Variants in RARB observed in about 807,000 individuals in gnomAD.
The protein encoded by RARB is retinoic acid receptor beta, also known as HBV-activated protein.
Under a neutral mutation model 51.9 loss-of-function variants are expected in RARB, and 17 were observed. The observed-to-expected ratio is 0.33, with a 90% CI of 0.22 to 0.49. The LOEUF (loss-of-function observed/expected upper bound fraction) is 0.49. RARB is among the 20% of genes least tolerant of loss of function. The pLI, the probability that RARB is intolerant of heterozygous loss-of-function variation, is 0.99. For missense variants in RARB, 369 were observed against 550.8 expected, an observed-to-expected ratio of 0.67 and a Z score of 3.30; for synonymous variants, 215 against 195.4, an observed-to-expected ratio of 1.10 and a Z score of -0.84.
chr3:25,126,669 A>T (rs1699865475), intron 3 of RARB, among the ~76,000 whole-genome samples: 1 of 152,186 alleles, frequency 6.6e-6, no homozygotes, highest in Admixed American at 6.5e-5. Flanking sequence ...ACAATGCTTT[A>T]AGTAGCAAAG....
At position 24,861,149 on chromosome 3, in the gene RARB, G is replaced by A. The variant is rs966303330; in HGVS notation, c.-380+2397G>A. ...GGGGCAGGAAGTATCTGTACTGAAT[G>A]TATATAGGCTTTTCCGGTCATTATT... On this transcript the variant is annotated intron_variant, in intron 2 of 11. Coordinates refer to the RARB transcript ENST00000383772. 3.3e-5 allele frequency among the ~76,000 whole-genome samples: 5 copies of A among 152,178 alleles called. 1 individual carries two copies. Among genetic ancestry groups the A allele is most frequent in the African/African-American group, 7.2e-5 (3 of 41,442 alleles).
chr3:25,016,148 A>T (rs929886847), intron 2 of RARB, among the ~76,000 whole-genome samples: 29 of 152,206 alleles, frequency 1.9e-4, no homozygotes, highest in Admixed American at 2.0e-4. Flanking sequence ...GTCGCTTGTA[A>T]CAATTTTTGG....
At chr3:24,831,691 A>G (rs890911731) in intron 1 of RARB, among the ~76,000 whole-genome samples, 1 of 152,142 alleles carries the variant, frequency 6.6e-6, no homozygotes, top group Non-Finnish European at 1.5e-5. Flanking sequence ...AAGGAAAAAA[A>G]AAAACTGTGG....
intron 5 of RARB, among the ~76,000 whole-genome samples, chr3:25,381,708 G>C (rs1182172567): frequency 1.3e-5 from 2 of 152,184 alleles, no homozygotes; most frequent in Admixed American, 1.3e-4. Context: ...TTGAGTCCTT[G>C]GACCAGCAGC....
At chr3:25,055,686 GGGACAGTA>G (rs1360715111) in intron 2 of RARB, among the ~76,000 whole-genome samples, 2 of 152,184 alleles carry the variant, frequency 1.3e-5, no homozygotes, top group African/African-American at 4.8e-5. Flanking sequence ...GGCCAATAAA[GGGACAGTA>G]GCAAGCGTAG....
intron 5 of RARB, among the ~76,000 whole-genome samples, chr3:25,218,379 C>G (rs563915928): frequency 2.6e-4 from 39 of 152,256 alleles, no homozygotes; most frequent in African/African-American, 9.4e-4. Flanking sequence ...AACAAGGCCC[C>G]TTTAAATACC....
intron 5 of RARB, among the ~76,000 whole-genome samples, chr3:25,588,632 A>G (rs1039762651): frequency 2.0e-5 from 3 of 152,196 alleles, no homozygotes; most frequent in Admixed American, 2.0e-4. Flanking sequence ...CTGGCTCGGT[A>G]TCTGTCATGA....
chr3:25,257,986 C>T (rs1398886136), intron 5 of RARB, among the ~76,000 whole-genome samples: 1 of 152,180 alleles, frequency 6.6e-6, no homozygotes. Flanking sequence ...ATGGCATTTA[C>T]TGACTTACGT....
At chr3:25,017,379 A>T (rs534136148) in intron 2 of RARB, among the ~76,000 whole-genome samples, 4 of 96,546 alleles carry the variant, frequency 4.1e-5, no homozygotes, top group Non-Finnish European at 7.6e-5. Context: ...CATCATGTTT[A>T]AAAAAAAAAA....
intron 2 of RARB, among the ~76,000 whole-genome samples, chr3:24,862,180 C>T (rs923281841): frequency 3.9e-5 from 6 of 152,152 alleles, no homozygotes; most frequent in Non-Finnish European, 5.9e-5. Context: ...GCTGCTGACC[C>T]GCATTTCCAT....
At chr3:24,867,979 G>A (rs911524842) in intron 2 of RARB, among the ~76,000 whole-genome samples, 4 of 152,152 alleles carry the variant, frequency 2.6e-5, no homozygotes, top group African/African-American at 9.7e-5. Context: ...CCATATTGAA[G>A]TGATCAGGGT....
At chr3:25,197,476 T>C (rs1334276284) in intron 5 of RARB, among the ~76,000 whole-genome samples, 1 of 151,896 alleles carries the variant, frequency 6.6e-6, no homozygotes, top group African/African-American at 2.4e-5. Context: ...AAGAAAGGCA[T>C]CCAAATTGAA....
chr3:25,503,272 G>A (rs1697407492), intron 3 of RARB, among the ~76,000 whole-genome samples: 1 of 152,234 alleles, frequency 6.6e-6, no homozygotes, highest in Admixed American at 6.5e-5. Flanking sequence ...CTATGTGTGA[G>A]ATTCACGGGA....
chr3:25,238,368 T>C (rs77473871), intron 5 of RARB, among the ~76,000 whole-genome samples: 2,705 of 152,214 alleles, frequency 0.018, 59 homozygotes, highest in African/African-American at 0.061. Context: ...TATTCCATTA[T>C]ATATACCATA....
At chr3:25,421,460 G>A (rs1372216061) in intron 5 of RARB, among the ~76,000 whole-genome samples, 1 of 123,880 alleles carries the variant, frequency 8.1e-6, no homozygotes, top group East Asian at 2.5e-4. Flanking sequence ...TGTCTAGGCT[G>A]GAGTGCAGTG....
intron 2 of RARB, among the ~76,000 whole-genome samples, chr3:25,495,200 T>C (rs548101455): frequency 1.3e-5 from 2 of 152,134 alleles, no homozygotes; most frequent in Non-Finnish European, 2.9e-5. Flanking sequence ...GAAACGGGGT[T>C]CATGTGTGAA....
intron 2 of RARB, among the ~76,000 whole-genome samples, chr3:24,975,197 T>A (rs943546470): frequency 6.6e-6 from 1 of 152,194 alleles, no homozygotes; most frequent in Non-Finnish European, 1.5e-5. Flanking sequence ...AAATCCTGGC[T>A]GTCATGGTGA....
chr3:25,216,247 C>A (rs543902079), intron 5 of RARB, among the ~76,000 whole-genome samples: 26 of 151,378 alleles, frequency 1.7e-4, no homozygotes, highest in African/African-American at 6.4e-4. Context: ...TCACTGATTT[C>A]TTTGGTAATT....
chr3:25,584,993 G>A (rs999974894), intron 5 of RARB, among the ~76,000 whole-genome samples: 1 of 146,080 alleles, frequency 6.8e-6, no homozygotes, highest in African/African-American at 2.7e-5. Flanking sequence ...GCTCCACATA[G>A]ATCCTGCTTT....
Sources: allele counts gnomAD v4.1 joint callset (sites outside exome capture counted in the v4.1 genomes callset), GRCh38; gene constraint gnomAD v4.1.1; transcripts MANE v1.5; gene names NCBI Gene and HGNC (gene_info 2026-07-23, HGNC 2026-07-21).